CASR: variants seen among roughly 807,000 people sequenced by gnomAD.
CASR encodes the protein calcium sensing receptor, also known as extracellular calcium-sensing receptor.
A neutral mutation model predicts 69.1 loss-of-function variants in CASR; 23 were observed. That is an observed-to-expected ratio of 0.33 (90% CI 0.24 to 0.47). The LOEUF (loss-of-function observed/expected upper bound fraction) is 0.47. Ranked by LOEUF, CASR falls within the 20% of genes least tolerant of loss-of-function variation. CASR has a pLI of 1.00. For synonymous variants in CASR, 541 were observed against 544.7 expected (o/e 0.99, Z 0.10); for missense variants, 924 against 1,356.1 (o/e 0.68, Z 5.00).
At chr3:122,202,957 G>T (rs1242931191) in intron 1 of CASR, among the ~76,000 whole-genome samples, 2 of 152,030 alleles carry the variant, frequency 1.3e-5, no homozygotes, top group South Asian at 2.1e-4. Context: ...AATTATCAAG[G>T]TCCCGGGTAT....
At chr3:122,203,133 G>C (rs2073974192) in intron 1 of CASR, among the ~76,000 whole-genome samples, 1 of 152,124 alleles carries the variant, frequency 6.6e-6, no homozygotes, top group Non-Finnish European at 1.5e-5. Context: ...CTCTTTGCTT[G>C]TCCACATAAC....
At chr3:122,237,992 G>A (rs1006759466) in intron 1 of CASR, among the ~76,000 whole-genome samples, 29 of 152,306 alleles carry the variant, frequency 1.9e-4, no homozygotes, top group African/African-American at 6.5e-4. Flanking sequence ...TGAGGGTGGA[G>A]CAAGATATCT....
At chr3:122,204,148 T>C (rs2073983993) in intron 1 of CASR, among the ~76,000 whole-genome samples, 1 of 152,174 alleles carries the variant, frequency 6.6e-6, no homozygotes, top group Non-Finnish European at 1.5e-5. Context: ...CAATAGATTA[T>C]TGTAAACTAA....
rs1235999733 is a variant in CASR, at chr3:122,254,230, C to A, written c.41C>A (p.Thr14Asn). ...TGCTGCTGGGTCCTCTTGGCACTCA[C>A]CTGGCACACCTCTGCCTACGGGCCA... The part of the protein sequence containing the change: ...YSCCWVLLAL[T>N]WHTSAYGPDQ... Residue 14 changes from threonine (T) to asparagine (N), a missense_variant, in exon 2 of 7, where the codon ACC becomes AAC. Coordinates refer to ENST00000639785, the MANE Select transcript of CASR (RefSeq NM_000388.4). The A allele has an allele frequency of 6.2e-7, 1 of 1,613,792 alleles. No individual in the cohort carries two copies. Among genetic ancestry groups the A allele is most frequent in the Non-Finnish European group, 8.5e-7 (1 of 1,180,030 alleles).
intron 1 of CASR, among the ~76,000 whole-genome samples, chr3:122,237,735 A>C (rs188781214): frequency 3.3e-5 from 5 of 152,344 alleles, no homozygotes; most frequent in Admixed American, 3.3e-4. Flanking sequence ...CAATATAATC[A>C]TATAAAAGGA....
intron 1 of CASR, among the ~76,000 whole-genome samples, chr3:122,235,545 A>G (rs1383117890): frequency 6.6e-6 from 1 of 152,236 alleles, no homozygotes; most frequent in Admixed American, 6.5e-5. Context: ...ATCCATTCAA[A>G]ATACATTTTT....
At chr3:122,257,502 C>T in intron 3 of CASR, 115 bp downstream of exon 3, 1 of 739,634 alleles carries the variant, frequency 1.4e-6, no homozygotes, top group South Asian at 1.8e-5. Context: ...GCACAAAAGA[C>T]CTATGATTTA....
At chr3:122,273,736 A>C (rs192024433) in intron 4 of CASR, among the ~76,000 whole-genome samples, 87 of 152,340 alleles carry the variant, frequency 5.7e-4, no homozygotes, top group African/African-American at 1.9e-3. Context: ...GCCATGTCAG[A>C]AAGGCCCCCA....
chr3:122,216,080 T>C (rs1044526706), intron 1 of CASR, among the ~76,000 whole-genome samples: 2 of 152,232 alleles, frequency 1.3e-5, no homozygotes, highest in African/African-American at 4.8e-5. Flanking sequence ...AAAGCTCTTT[T>C]GCAAATGATT....
At chr3:122,226,503 G>A (rs1305506366) in intron 1 of CASR, among the ~76,000 whole-genome samples, 2 of 152,138 alleles carry the variant, frequency 1.3e-5, no homozygotes, top group African/African-American at 2.4e-5. Context: ...GGACCCAAGC[G>A]GGTTGCCACT....
chr3:122,258,957 A>G (rs2074588082), intron 3 of CASR, among the ~76,000 whole-genome samples: 1 of 152,100 alleles, frequency 6.6e-6, no homozygotes, highest in Non-Finnish European at 1.5e-5. Context: ...TCATGGACCC[A>G]GGGGTATTTC....
intron 1 of CASR, among the ~76,000 whole-genome samples, chr3:122,237,154 A>G (rs1042613931): frequency 2.7e-4 from 40 of 148,464 alleles, no homozygotes; most frequent in South Asian, 2.1e-4. Flanking sequence ...TCTGTCACCA[A>G]GCTGGAGTGC....
intron 1 of CASR, among the ~76,000 whole-genome samples, chr3:122,231,904 C>A (rs1249520920): frequency 6.6e-6 from 1 of 152,176 alleles, no homozygotes; most frequent in Non-Finnish European, 1.5e-5. Context: ...ATTACAGTCA[C>A]CCCTGAGCCA....
chr3:122,257,737 C>A (rs1271952489), intron 3 of CASR: 1 of 191,730 alleles, frequency 5.2e-6, no homozygotes, highest in Non-Finnish European at 1.1e-5. Context: ...TGAGGTAAAT[C>A]CCACCTCTCA....
chr3:122,195,990 T>C (rs1486104549), intron 1 of CASR, among the ~76,000 whole-genome samples: 5 of 152,194 alleles, frequency 3.3e-5, no homozygotes, highest in African/African-American at 9.6e-5. Flanking sequence ...GCTAAGGAAA[T>C]AATCGTTGAT....
At chr3:122,208,686 C>T (rs981923734) in intron 1 of CASR, among the ~76,000 whole-genome samples, 5 of 152,140 alleles carry the variant, frequency 3.3e-5, no homozygotes, top group East Asian at 1.9e-4. Flanking sequence ...TTATCTTTCT[C>T]CCCATGGGAG....
chr3:122,254,440 A>G, intron 2 of CASR, 66 bp downstream of exon 2: 1 of 1,488,170 alleles, frequency 6.7e-7, no homozygotes, highest in Non-Finnish European at 9.4e-7. Flanking sequence ...GCTGCACCAA[A>G]CGCAAAATAA....
intron 1 of CASR, among the ~76,000 whole-genome samples, chr3:122,192,185 G>A (rs1251026453): frequency 6.6e-6 from 1 of 152,218 alleles, no homozygotes; most frequent in African/African-American, 2.4e-5. Flanking sequence ...TAGGCTAGCA[G>A]CTAAAAGCAT....
chr3:122,195,725 C>A (rs1354205245), intron 1 of CASR, among the ~76,000 whole-genome samples: 1 of 152,310 alleles, frequency 6.6e-6, no homozygotes, highest in African/African-American at 2.4e-5. Context: ...TATGAGGTCT[C>A]ATGGCCAGTA....
Sources: allele counts gnomAD v4.1 joint callset (sites outside exome capture counted in the v4.1 genomes callset), GRCh38; gene constraint gnomAD v4.1.1; transcripts MANE v1.5; gene names NCBI Gene and HGNC (gene_info 2026-07-23, HGNC 2026-07-21).